PRKN: variants seen among roughly 807,000 people sequenced by gnomAD.
PRKN encodes parkin RBR E3 ubiquitin protein ligase.
Under a neutral mutation model 59.5 loss-of-function variants are expected in PRKN, and 56 were observed. The ratio of observed to expected loss-of-function variants is 0.94; its 90% confidence interval spans 0.76 to 1.18. The LOEUF is 1.18. PRKN is among the 50% of genes most tolerant of loss of function. The pLI, the probability that PRKN is intolerant of heterozygous loss-of-function variation, is 0.00. For missense variants in PRKN, 657 were observed against 596.4 expected, an observed-to-expected ratio of 1.10 and a Z score of -1.06; for synonymous variants, 250 against 222.1, an observed-to-expected ratio of 1.13 and a Z score of -1.12.
Position 162,056,523 on chromosome 6 carries a change from G to A in PRKN, c.535-2349C>T, listed in dbSNP as rs1217172673. Among the ~76,000 whole-genome samples the A allele has an allele frequency of 6.6e-6, 1 of 152,138 alleles. No individual in the cohort carries two copies. The highest frequency in any genetic ancestry group is 1.5e-5 in the Non-Finnish European group (1 of 68,032). Reference sequence around the variant, plus strand: ...AAAGGAGCTGCATCTGGGATCCACCGATCATTAATCCAAAGGCCACCGCTT... The same window carrying A: ...AAAGGAGCTGCATCTGGGATCCACCAATCATTAATCCAAAGGCCACCGCTT... On this transcript the variant is annotated intron_variant, in intron 4 of 11. Coordinates refer to ENST00000366898, the MANE Select transcript of PRKN (RefSeq NM_004562.3). This position sits in a 1 kb window ranked among gnomAD's most constrained non-coding sequence, Gnocchi z 4.9.
chr6:161,842,488 A>G (rs1482924450), intron 6 of PRKN, among the ~76,000 whole-genome samples: 1 of 150,090 alleles, frequency 6.7e-6, no homozygotes, highest in Non-Finnish European at 1.5e-5. Flanking sequence ...AAAAATAGCC[A>G]TGGGCAAGAG....
intron 2 of PRKN, among the ~76,000 whole-genome samples, chr6:162,328,136 G>A (rs990820994): frequency 2.5e-4 from 38 of 152,268 alleles, no homozygotes; most frequent in Middle Eastern, 3.4e-3. Flanking sequence ...CAAGGCAGGC[G>A]GGTCACAAAG....
intron 7 of PRKN, among the ~76,000 whole-genome samples, chr6:161,635,467 C>G (rs550078899): frequency 1.2e-4 from 19 of 152,284 alleles, no homozygotes; most frequent in African/African-American, 4.3e-4. Flanking sequence ...CTAATAAACC[C>G]GAATCCTCTC....
intron 4 of PRKN, among the ~76,000 whole-genome samples, chr6:162,106,957 A>G (rs554350465): frequency 6.6e-6 from 1 of 152,284 alleles, no homozygotes; most frequent in Admixed American, 6.5e-5. Flanking sequence ...TCTCAGTTCA[A>G]AAGCTTCAGG....
At position 161,861,366 on chromosome 6, in the gene PRKN, G is replaced by GT. The variant is rs1793889455; in HGVS notation, c.735-75459dup. Among the ~76,000 whole-genome samples the GT allele has an allele frequency of 3.3e-5, 5 of 152,244 alleles. No homozygotes were observed. The South Asian group carries it at 1.0e-3, about 32-fold the overall frequency. ...TGCATGTTCTCACTCATAAATGGGA[G>GT]TTGAACAATGAGAACACATGGACAC... On this transcript the variant is annotated intron_variant, in intron 6 of 11. Transcript: ENST00000366898.
chr6:161,974,655 TAA>T (rs1434160383), intron 5 of PRKN, among the ~76,000 whole-genome samples: 1 of 152,064 alleles, frequency 6.6e-6, no homozygotes, highest in Non-Finnish European at 1.5e-5. Context: ...TCTGTGAAGC[TAA>T]ATTTTTTGCT....
chr6:161,523,538 C>A (rs1377243804), intron 9 of PRKN, among the ~76,000 whole-genome samples: 1 of 152,194 alleles, frequency 6.6e-6, no homozygotes, highest in Admixed American at 6.5e-5. Context: ...TTGCATTAGA[C>A]ACAAAATCGC....
chr6:161,500,864 G>GTTT (rs373088841), intron 9 of PRKN, among the ~76,000 whole-genome samples: 14 of 132,562 alleles, frequency 1.1e-4, no homozygotes, highest in Middle Eastern at 4.0e-3. Flanking sequence ...GTTTAGTTTA[G>GTTT]TTTTTTTTTT....
intron 5 of PRKN, among the ~76,000 whole-genome samples, chr6:161,981,962 CA>C (rs1452712954): frequency 6.6e-6 from 1 of 152,142 alleles, no homozygotes; most frequent in East Asian, 1.9e-4. Flanking sequence ...CCACACAAAG[CA>C]AAACCATGTC....
At chr6:161,614,000 T>C (rs1782596285) in intron 7 of PRKN, among the ~76,000 whole-genome samples, 1 of 152,182 alleles carries the variant, frequency 6.6e-6, no homozygotes, top group Middle Eastern at 3.2e-3. Flanking sequence ...ATTTCAGTTT[T>C]GTAGGGATGT....
At chr6:161,962,540 C>CTTTTT (rs567987319) in intron 6 of PRKN, among the ~76,000 whole-genome samples, 1 of 136,166 alleles carries the variant, frequency 7.3e-6, no homozygotes, top group Non-Finnish European at 1.6e-5. Context: ...AATGTAGCAC[C>CTTTTT]TTTTTTTTTT....
chr6:162,248,670 A>G (rs371796157), intron 3 of PRKN, among the ~76,000 whole-genome samples: 3 of 152,172 alleles, frequency 2.0e-5, no homozygotes, highest in East Asian at 3.9e-4. Flanking sequence ...TAGTCTGGAA[A>G]TAGATGTTCT....
intron 1 of PRKN, among the ~76,000 whole-genome samples, chr6:162,653,240 T>C (rs958823092): frequency 4.6e-5 from 7 of 152,202 alleles, no homozygotes; most frequent in South Asian, 4.1e-4. Context: ...ACTGTACCTA[T>C]AGAACTTCTT....
intron 4 of PRKN, among the ~76,000 whole-genome samples, chr6:162,177,379 T>C (rs1406614407): frequency 6.6e-6 from 1 of 152,198 alleles, no homozygotes; most frequent in Non-Finnish European, 1.5e-5. Flanking sequence ...CTAAAATGGT[T>C]AGCAATGCTT....
At chr6:161,797,735 G>A (rs1245868638) in intron 6 of PRKN, among the ~76,000 whole-genome samples, 1 of 152,202 alleles carries the variant, frequency 6.6e-6, no homozygotes, top group East Asian at 1.9e-4. Context: ...ATCATTAGAT[G>A]AGTTCAGCAT....
At chr6:162,063,729 G>A (rs925916069) in intron 4 of PRKN, among the ~76,000 whole-genome samples, 1 of 152,092 alleles carries the variant, frequency 6.6e-6, no homozygotes, top group African/African-American at 2.4e-5. Context: ...ATTTTTAGTA[G>A]AGACAGAGTC....
intron 5 of PRKN, among the ~76,000 whole-genome samples, chr6:162,023,658 C>T (rs953020521): frequency 3.3e-5 from 5 of 152,054 alleles, no homozygotes; most frequent in East Asian, 1.9e-4. Context: ...GCTAGGGTAT[C>T]GGGTTTTTAG....
chr6:161,911,473 C>T (rs893339221), intron 6 of PRKN, among the ~76,000 whole-genome samples: 1 of 152,176 alleles, frequency 6.6e-6, no homozygotes, highest in Non-Finnish European at 1.5e-5. Context: ...CCATTTCTAT[C>T]AGAACTCCTG....
intron 7 of PRKN, among the ~76,000 whole-genome samples, chr6:161,706,857 C>A (rs1173137918): frequency 6.6e-6 from 1 of 152,178 alleles, no homozygotes; most frequent in Non-Finnish European, 1.5e-5. Flanking sequence ...CACACCCGGA[C>A]TGACTCATTT....
Sources: allele counts gnomAD v4.1 joint callset (sites outside exome capture counted in the v4.1 genomes callset), GRCh38; gene constraint gnomAD v4.1.1; non-coding constraint Gnocchi (gnomAD v3.1); transcripts MANE v1.5; gene names NCBI Gene and HGNC (gene_info 2026-07-23, HGNC 2026-07-21).